The following ARHGAP24 variants were observed in gnomAD, a reference collection of about 807,000 sequenced individuals.
ARHGAP24 encodes the protein rho GTPase-activating protein 24.
ARHGAP24 carries 50 observed loss-of-function variants against 76.4 expected under a neutral mutation model. The ratio of observed to expected loss-of-function variants is 0.65; its 90% CI spans 0.52 to 0.83. The LOEUF (loss-of-function observed/expected upper bound fraction) is 0.83. Among genes scored for constraint, ARHGAP24 ranks in the 40% least tolerant of loss-of-function variants. ARHGAP24 has a pLI of 0.00. For missense variants in ARHGAP24, 930 were observed against 914.2 expected, an observed-to-expected ratio of 1.02 and a Z score of -0.22; for synonymous variants, 345 against 323.3, an observed-to-expected ratio of 1.07 and a Z score of -0.72.
At position 85,948,968 on chromosome 4, in the gene ARHGAP24, A is replaced by T. The variant is rs552321962; in HGVS notation, c.599+6695A>T. Among the ~76,000 whole-genome samples, 11 of 152,244 alleles carry T rather than the reference A, an allele frequency of 7.2e-5. No individual in the cohort carries two copies. The South Asian group carries it at 2.3e-3, about 32-fold the overall frequency. On this transcript the variant is annotated intron_variant, in intron 5 of 9. Transcript: ENST00000395184. ...CTTTTTTAGGTCACGTTGCTCTTGTACTACCTTAACATATGCACAAATAAA... is the reference window on the plus strand; with the variant it reads ...CTTTTTTAGGTCACGTTGCTCTTGTTCTACCTTAACATATGCACAAATAAA...
intron 1 of ARHGAP24, among the ~76,000 whole-genome samples, chr4:85,539,310 AT>A (rs1350954120): frequency 6.6e-6 from 1 of 152,176 alleles, no homozygotes; most frequent in Non-Finnish European, 1.5e-5. Context: ...ACATAAAGAG[AT>A]GTATGAGTAA....
At chr4:85,889,992 T>A (rs1733795885) in intron 3 of ARHGAP24, among the ~76,000 whole-genome samples, 1 of 152,148 alleles carries the variant, frequency 6.6e-6, no homozygotes, top group African/African-American at 2.4e-5. Flanking sequence ...AAAAAGGAGT[T>A]ACAATTTTCA....
intron 2 of ARHGAP24, among the ~76,000 whole-genome samples, chr4:85,679,015 C>A (rs1365686208): frequency 6.6e-6 from 1 of 152,044 alleles, no homozygotes; most frequent in African/African-American, 2.4e-5. Context: ...GCGCAGGAGT[C>A]ACGCAAAATA....
intron 5 of ARHGAP24, among the ~76,000 whole-genome samples, chr4:85,969,033 A>T (rs1305975249): frequency 1.3e-5 from 2 of 152,248 alleles, no homozygotes; most frequent in East Asian, 3.9e-4. Flanking sequence ...TCTTACCTTG[A>T]TTCATGGCTC....
chr4:85,930,640 T>C, intron 4 of ARHGAP24: 1 of 1,106,134 alleles, frequency 9.0e-7, no homozygotes. Flanking sequence ...TGCAGTTCTT[T>C]TCCTGTGACA....
At chr4:85,877,698 A>T (rs1384305236) in intron 3 of ARHGAP24, among the ~76,000 whole-genome samples, 1 of 141,956 alleles carries the variant, frequency 7.0e-6, no homozygotes, top group Non-Finnish European at 1.5e-5. Context: ...ATTTAAGTAG[A>T]GACAAACTAT....
intron 3 of ARHGAP24, among the ~76,000 whole-genome samples, chr4:85,916,457 CA>C (rs1735405260): frequency 6.6e-6 from 1 of 151,988 alleles, no homozygotes. Context: ...GAACTTAATA[CA>C]CATCTACAGA....
At chr4:85,686,847 A>T (rs1007396607) in intron 2 of ARHGAP24, among the ~76,000 whole-genome samples, 1 of 152,086 alleles carries the variant, frequency 6.6e-6, no homozygotes, top group Non-Finnish European at 1.5e-5. Context: ...TTAGTAAATT[A>T]GTCTTCTCTG....
rs148399528 is a variant in ARHGAP24, at chr4:85,611,305, A to G, written c.180+40584A>G. 2.4e-3 allele frequency among the ~76,000 whole-genome samples: 363 copies of G among 152,304 alleles called. 1 individual carries two copies. Among genetic ancestry groups the G allele is most frequent in the African/African-American group, 8.3e-3 (344 of 41,572 alleles). ...GTAAATGTAGGGAGTTGAACAATAA[A>G]CTTCCAAATAAATAGACTAACCTAA... On this transcript the variant is annotated intron_variant, in intron 2 of 9. Coordinates refer to ENST00000395184, the MANE Select transcript of ARHGAP24 (RefSeq NM_001025616.3).
At chr4:85,801,649 G>A (rs114442509) in intron 3 of ARHGAP24, among the ~76,000 whole-genome samples, 1 of 152,226 alleles carries the variant, frequency 6.6e-6, no homozygotes, top group Non-Finnish European at 1.5e-5. Flanking sequence ...GAAATCATAT[G>A]AAAATTATAT....
chr4:85,853,638 A>T (rs1052371563), intron 3 of ARHGAP24, among the ~76,000 whole-genome samples: 2 of 152,154 alleles, frequency 1.3e-5, no homozygotes, highest in Non-Finnish European at 2.9e-5. Context: ...TATTAAAAGA[A>T]AAACCTGGCC....
At chr4:85,520,705 A>G (rs572759485) in intron 1 of ARHGAP24, among the ~76,000 whole-genome samples, 22 of 152,300 alleles carry the variant, frequency 1.4e-4, no homozygotes, top group Admixed American at 1.0e-3. Flanking sequence ...CTGCTGATTC[A>G]AAGGATATGC....
At chr4:85,758,966 C>T (rs748939224) in intron 3 of ARHGAP24, among the ~76,000 whole-genome samples, 29 of 152,090 alleles carry the variant, frequency 1.9e-4, no homozygotes, top group Non-Finnish European at 4.0e-4. Flanking sequence ...TTTATCGTTA[C>T]GCTACTTCTT....
At chr4:85,950,132 G>C (rs546786712) in intron 5 of ARHGAP24, among the ~76,000 whole-genome samples, 1 of 152,222 alleles carries the variant, frequency 6.6e-6, no homozygotes, top group Non-Finnish European at 1.5e-5. Flanking sequence ...GCATGTTGCA[G>C]GTAGAAGAAT....
chr4:85,747,563 C>T (rs1444982388), intron 3 of ARHGAP24, among the ~76,000 whole-genome samples: 2 of 152,038 alleles, frequency 1.3e-5, no homozygotes, highest in Non-Finnish European at 2.9e-5. Flanking sequence ...ATTAGCCGGG[C>T]GTAGTGGCGG....
intron 2 of ARHGAP24, among the ~76,000 whole-genome samples, chr4:85,671,609 C>G (rs928480965): frequency 3.3e-5 from 5 of 152,142 alleles, no homozygotes; most frequent in Non-Finnish European, 7.4e-5. Flanking sequence ...GCTATGAGCA[C>G]AGGCCTTCCA....
chr4:85,612,416 C>CGTGGAGTGAGCCTCACTGCACTCCAGG, intron 2 of ARHGAP24, among the ~76,000 whole-genome samples: 1 of 88,550 alleles, frequency 1.1e-5, no homozygotes, highest in African/African-American at 2.8e-5. Context: ...TGCACTCCAG[C>CGTGGAGTGAGCCTCACTGCACTCCAGG]CTGGGCAACA....
intron 1 of ARHGAP24, among the ~76,000 whole-genome samples, chr4:85,487,689 TAAATATATATTTATTATATTATATA>T (rs1723151552): frequency 1.9e-5 from 2 of 106,890 alleles, no homozygotes; most frequent in African/African-American, 8.2e-5. Context: ...TTATATTATA[TAAATATATATTTATTATATTATATA>T]AATATATATT....
chr4:85,730,986 GCACACACACACACACA>G (rs200255967), intron 3 of ARHGAP24, among the ~76,000 whole-genome samples: 1 of 133,818 alleles, frequency 7.5e-6, no homozygotes, highest in Non-Finnish European at 1.6e-5. Flanking sequence ...TAATATAACT[GCACACACACACACACA>G]CACACACACA....
Sources: gnomAD v4.1 joint callset for allele counts (sites outside exome capture counted in the v4.1 genomes callset) on GRCh38, gnomAD v4.1.1 for gene constraint, MANE v1.5 for transcripts, NCBI Gene and HGNC (gene_info 2026-07-23, HGNC 2026-07-21) for gene names.